The following DNAH7 variants were observed in gnomAD, a reference collection of about 807,000 sequenced individuals.
DNAH7 encodes axonemal beta dynein heavy chain 7.
Under a neutral mutation model 444.6 loss-of-function variants are expected in DNAH7, and 397 were observed. The ratio of observed to expected loss-of-function variants is 0.89; its 90% confidence interval spans 0.82 to 0.97. The LOEUF (loss-of-function observed/expected upper bound fraction) is 0.97. Ranked by LOEUF, DNAH7 falls within the 50% of genes least tolerant of loss-of-function variation. DNAH7 has a pLI of 0.00. For synonymous variants in DNAH7, 1,636 were observed against 1,624.4 expected (o/e 1.01, Z -0.17); for missense variants, 4,902 against 4,800.8 (o/e 1.02, Z -0.62).
intron 36 of DNAH7, among the ~76,000 whole-genome samples, chr2:195,879,729 A>G (rs1039383335): frequency 6.6e-6 from 1 of 152,190 alleles, no homozygotes; most frequent in African/African-American, 2.4e-5. Flanking sequence ...GTTGATTAAA[A>G]TTATTCTATA....
intron 45 of DNAH7, 89 bp downstream of exon 45, chr2:195,855,722 C>T (rs1699658134): frequency 4.3e-6 from 6 of 1,397,088 alleles, no homozygotes; most frequent in Non-Finnish European, 5.8e-6. Flanking sequence ...AGGAAGGAAA[C>T]AGGACTGGTG....
chr2:196,054,603 C>T (rs1247142714), intron 2 of DNAH7, among the ~76,000 whole-genome samples: 1 of 152,158 alleles, frequency 6.6e-6, no homozygotes, highest in Non-Finnish European at 1.5e-5. Flanking sequence ...CCCACCCCAC[C>T]TCCACCTACT....
At chr2:195,822,513 G>T (rs936231110) in intron 49 of DNAH7, among the ~76,000 whole-genome samples, 6 of 152,184 alleles carry the variant, frequency 3.9e-5, no homozygotes, top group Non-Finnish European at 8.8e-5. Flanking sequence ...GTACATAAAA[G>T]ATCCTAAAAG....
At chr2:196,008,293 G>A (rs1045151578) in intron 10 of DNAH7, among the ~76,000 whole-genome samples, 1 of 152,030 alleles carries the variant, frequency 6.6e-6, no homozygotes, top group Non-Finnish European at 1.5e-5. Context: ...ACAAGTGCTG[G>A]AAAGTGTGTG....
chr2:196,024,575 A>G lies in DNAH7; in HGVS notation c.668-71T>C, dbSNP rs564764839. The G allele has an allele frequency of 4.2e-5, 34 of 817,634 alleles. No homozygotes were observed. The African/African-American group carries it at 5.2e-4, about 13-fold the overall frequency. 50.6% of individuals were successfully genotyped at this position (817,634 alleles called of 1,614,324 possible). On this transcript the variant is annotated intron_variant, in intron 7 of 64. Transcript: ENST00000312428. ...GTAGTACATTTCCAAGCAATTGCAA[A>G]GCTAGTTCTACTAAGATTAACTGTT...
chr2:195,773,558 T>C (rs1441434856), intron 60 of DNAH7, among the ~76,000 whole-genome samples: 2 of 152,178 alleles, frequency 1.3e-5, no homozygotes. Flanking sequence ...TTGAAAGTAA[T>C]ATCCAACTGA....
chr2:195,787,775 C>G (rs945894416), intron 57 of DNAH7, among the ~76,000 whole-genome samples: 1 of 152,060 alleles, frequency 6.6e-6, no homozygotes, highest in Non-Finnish European at 1.5e-5. Flanking sequence ...TCCCCTGCAG[C>G]TGGGGCAGGG....
intron 29 of DNAH7, among the ~76,000 whole-genome samples, chr2:195,896,038 T>C (rs1212056828): frequency 6.6e-6 from 1 of 152,246 alleles, no homozygotes; most frequent in Non-Finnish European, 1.5e-5. Context: ...TGAATTTGTA[T>C]GAACAAATGC....
At chr2:195,850,877 C>T (rs553771683) in intron 46 of DNAH7, among the ~76,000 whole-genome samples, 11 of 152,260 alleles carry the variant, frequency 7.2e-5, no homozygotes, top group African/African-American at 2.6e-4. Flanking sequence ...TCGTTAGATG[C>T]CACAGGGAGC....
chr2:195,845,211 TC>T (rs1559139359), intron 46 of DNAH7, 46 bp from the exon 47 acceptor site: 1 of 1,517,118 alleles, frequency 6.6e-7, no homozygotes, highest in Non-Finnish European at 9.0e-7. Context: ...CTGGAGGTTA[TC>T]AAAAGCATGC....
In DNAH7 at chr2:195,808,826, AT is replaced by A. The variant is rs1248300934; in HGVS notation, c.9938del (p.Asp3313ValfsTer22). On this transcript the variant is annotated frameshift_variant, in exon 53 of 65. Coordinates refer to ENST00000312428, the MANE Select transcript of DNAH7 (RefSeq NM_018897.3). LOFTEE classifies it high-confidence loss of function. Reference protein sequence around the residue: ...RFLLTGGIGLDNPYANLCTWL... With the variant: ...RFLLTGGIGLXNPYANLCTWL... ...ATGTACAAAGGTTGGCATAAGGATT[AT>A]CCAGTCCAATGCCACCAGTTAGCAG... 6 of 1,613,802 alleles carry A rather than the reference AT, an allele frequency of 3.7e-6. No individual in the cohort carries two copies. The highest frequency in any genetic ancestry group is 5.1e-6 in the Non-Finnish European group (6 of 1,179,912).
At chr2:196,066,860 T>C (rs1252335013) in intron 1 of DNAH7, among the ~76,000 whole-genome samples, 1 of 152,248 alleles carries the variant, frequency 6.6e-6, no homozygotes, top group East Asian at 1.9e-4. Context: ...CCATTCTGTT[T>C]GTTTTAGGTT....
intron 12 of DNAH7, among the ~76,000 whole-genome samples, chr2:195,992,212 C>A (rs928503960): frequency 1.3e-5 from 2 of 152,172 alleles, no homozygotes; most frequent in African/African-American, 4.8e-5. Flanking sequence ...GAAAAAAAAC[C>A]TCAGTGCATT....
At chr2:195,971,718 C>T (rs1226501298) in intron 16 of DNAH7, among the ~76,000 whole-genome samples, 1 of 151,974 alleles carries the variant, frequency 6.6e-6, no homozygotes. Flanking sequence ...GGCAATGAGG[C>T]TGGACAGTGA....
chr2:195,810,485 C>T (rs1193764274), intron 51 of DNAH7, among the ~76,000 whole-genome samples: 2 of 152,140 alleles, frequency 1.3e-5, no homozygotes, highest in African/African-American at 4.8e-5. Flanking sequence ...AATCTTGGCT[C>T]ACTGCAACCT....
chr2:196,003,703 G>T (rs1694189836), intron 10 of DNAH7, among the ~76,000 whole-genome samples: 1 of 152,140 alleles, frequency 6.6e-6, no homozygotes, highest in African/African-American at 2.4e-5. Flanking sequence ...GTAATGACCT[G>T]CATCAAGCAT....
intron 24 of DNAH7, among the ~76,000 whole-genome samples, chr2:195,910,726 C>A (rs764218592): frequency 6.6e-6 from 1 of 152,038 alleles, no homozygotes; most frequent in Non-Finnish European, 1.5e-5. Context: ...TGGAATGGAT[C>A]CACCTATATA....
chr2:195,773,330 A>T (rs1050138722), intron 60 of DNAH7, among the ~76,000 whole-genome samples: 13 of 152,094 alleles, frequency 8.5e-5, no homozygotes, highest in African/African-American at 3.1e-4. Flanking sequence ...TAAAGAATCT[A>T]TGCTGATTTC....
intron 23 of DNAH7, 27 bp downstream of exon 23, chr2:195,923,568 A>T: frequency 6.2e-7 from 1 of 1,603,968 alleles, no homozygotes; most frequent in Non-Finnish European, 8.5e-7. Context: ...ATTGCTGTGT[A>T]ATATAACATT....
Sources: allele counts gnomAD v4.1 joint callset (sites outside exome capture counted in the v4.1 genomes callset), GRCh38; gene constraint gnomAD v4.1.1; transcripts MANE v1.5; gene names NCBI Gene and HGNC (gene_info 2026-07-23, HGNC 2026-07-21).